AKR1C3: variants seen among roughly 807,000 people sequenced by gnomAD.
The protein encoded by AKR1C3 is aldo-keto reductase family 1 member C3.
In AKR1C3, 48 loss-of-function variants were observed where a neutral mutation model predicts 43.6. The ratio of observed to expected loss-of-function variants is 1.10; its 90% CI spans 0.87 to 1.40. The LOEUF (loss-of-function observed/expected upper bound fraction) is 1.40. AKR1C3 is among the 40% of genes most tolerant of loss of function. The probability of loss-of-function intolerance (pLI) is 0.00; values close to 1 mark genes in which losing one functional copy is unlikely to be tolerated. For missense variants in AKR1C3, 482 were observed against 391.2 expected (o/e 1.23, Z -1.96); for synonymous variants, 162 against 139.6 (o/e 1.16, Z -1.13).
rs1239193304 is a variant in AKR1C3 at position 5,086,905 on chromosome 10, C to CT, written c.85-9498dup. Among the ~76,000 whole-genome samples the CT allele has an allele frequency of 6.6e-5, 10 of 152,086 alleles. No homozygotes were observed. The South Asian group carries it at 1.2e-3, about 19-fold the overall frequency. On this transcript the variant is annotated intron_variant, in intron 1 of 8. Coordinates refer to the AKR1C3 transcript ENST00000439082. The stretch of plus-strand genomic sequence containing the variant: ...CTGAGACTAGGATTGCAACCCCTGC[C>CT]TTTTTTTGTTTTCCATTTGCTTGAT...
chr10:5,101,291 A>T (rs941720156), intron 5 of AKR1C3, among the ~76,000 whole-genome samples: 1 of 152,248 alleles, frequency 6.6e-6, no homozygotes, highest in Non-Finnish European at 1.5e-5. Context: ...TTGTGTAAAC[A>T]TCACTAATAC....
At chr10:5,052,995 A>G (rs1310436598) in intron 1 of AKR1C3, among the ~76,000 whole-genome samples, 4 of 152,246 alleles carry the variant, frequency 2.6e-5, no homozygotes, top group Non-Finnish European at 5.9e-5. Flanking sequence ...AGCTAGACAC[A>G]GGGTGCTGAT....
intron 1 of AKR1C3, among the ~76,000 whole-genome samples, chr10:5,064,479 T>C (rs1838453260): frequency 1.3e-5 from 2 of 152,138 alleles, no homozygotes; most frequent in African/African-American, 4.8e-5. Flanking sequence ...CTGGCAAAGA[T>C]TTCATGATGA....
rs1838091593 is a variant in AKR1C3 at position 5,048,896 on chromosome 10, G to A, written c.84+1G>A. On this transcript the variant is annotated splice_donor_variant, in intron 1 of 8. Coordinates refer to the AKR1C3 transcript ENST00000439082. LOFTEE classifies it high-confidence loss of function. ...ATTTGGCACCTATGCACCTCCAGAG[G>A]TAATAATAATGTTTTTGGTGCAGAG... 1 of 1,612,566 alleles carries A rather than the reference G, an allele frequency of 6.2e-7. No individual in the cohort carries two copies. The highest frequency in any genetic ancestry group is 1.7e-5 in the Admixed American group (1 of 59,996).
intron 4 of AKR1C3, 26 bp downstream of exon 4, chr10:5,098,905 G>C (rs1554785565): frequency 1.9e-6 from 3 of 1,559,872 alleles, no homozygotes; most frequent in East Asian, 2.3e-5. Flanking sequence ...AGAGGACACA[G>C]AGAAGGATGA....
intron 1 of AKR1C3, among the ~76,000 whole-genome samples, chr10:5,095,479 A>AT (rs1187850983): frequency 4.0e-5 from 6 of 148,646 alleles, no homozygotes; most frequent in Non-Finnish European, 7.5e-5. Flanking sequence ...CTCAAAAAAG[A>AT]TTTAAAAAAA....
intron 1 of AKR1C3, among the ~76,000 whole-genome samples, chr10:5,074,597 T>C (rs974708195): frequency 1.3e-5 from 2 of 152,190 alleles, no homozygotes; most frequent in African/African-American, 4.8e-5. Context: ...TTCATTGACA[T>C]AGTGTGCAAG....
Position 5,098,915 on chromosome 10 carries a change from A to G in AKR1C3, c.447+36A>G, listed in dbSNP as rs954159639. On this transcript the variant is annotated intron_variant, in intron 4 of 8. Coordinates refer to ENST00000380554, the MANE Select transcript of AKR1C3 (RefSeq NM_003739.6). The stretch of plus-strand genomic sequence containing the variant: ...GGCGGAGAGGACACAGAGAAGGATG[A>G]CAAAAAGAGAAAATCTGTTTCCCAG... 2.0e-6 allele frequency: 3 copies of G among 1,522,846 alleles called. No homozygotes were observed. In the African/African-American group the frequency reaches 4.2e-5, roughly 21 times the overall value. The allele number at this position is 1,522,846 out of a possible 1,614,324, so 94.3% of individuals were successfully genotyped here. A position where few individuals can be genotyped will look rare whatever the true frequency, so the allele number is the denominator to read the frequency against.
intron 1 of AKR1C3, among the ~76,000 whole-genome samples, chr10:5,095,936 T>G (rs868907911): frequency 6.6e-6 from 1 of 152,054 alleles, no homozygotes; most frequent in Non-Finnish European, 1.5e-5. Flanking sequence ...CCAGTCAAAA[T>G]CTCAAGAACT....
chr10:5,079,946 A>G (rs568485012), intron 1 of AKR1C3, among the ~76,000 whole-genome samples: 1 of 152,370 alleles, frequency 6.6e-6, no homozygotes, highest in South Asian at 2.1e-4. Context: ...CTGCAGGGGT[A>G]TCTGCATGGT....
chr10:5,066,051 C>G (rs1266293653), intron 1 of AKR1C3, among the ~76,000 whole-genome samples: 1 of 152,172 alleles, frequency 6.6e-6, no homozygotes, highest in African/African-American at 2.4e-5. Flanking sequence ...GTTGCATGAT[C>G]ATCTGAAGCT....
intron 1 of AKR1C3, among the ~76,000 whole-genome samples, chr10:5,082,882 C>T (rs561064075): frequency 1.3e-5 from 2 of 152,214 alleles, no homozygotes; most frequent in South Asian, 4.2e-4. Context: ...GCTCTTCTTT[C>T]CATGTGTGGC....
chr10:5,102,236 A>T, intron 6 of AKR1C3, 26 bp downstream of exon 6: 2 of 1,599,948 alleles, frequency 1.3e-6, no homozygotes, highest in Non-Finnish European at 1.7e-6. Context: ...GGACCTTTAC[A>T]TAAACCTTCA....
upstream of AKR1C3, among the ~76,000 whole-genome samples, chr10:5,092,735 T>C (rs374741043): frequency 5.8e-4 from 88 of 152,196 alleles, no homozygotes; most frequent in African/African-American, 2.0e-3. Flanking sequence ...TAATTGGAAA[T>C]TTTAGCATAT....
chr10:5,099,691 G>A (rs1255267168), intron 5 of AKR1C3: 10 of 588,420 alleles, frequency 1.7e-5, no homozygotes, highest in Non-Finnish European at 2.8e-5. Context: ...AGGTCCATTT[G>A]ATCAGGGAGG....
rs1341229974 is a variant in AKR1C3 at position 5,087,049 on chromosome 10, A to G, written c.85-9361A>G. ...ATTTGCCAGTCTGTCTTTTAATTGG[A>G]GCATTTAGACCATTTACATTTAAAG... On this transcript the variant is annotated intron_variant, in intron 1 of 8. Coordinates refer to the AKR1C3 transcript ENST00000439082. 4.6e-5 allele frequency among the ~76,000 whole-genome samples: 7 copies of G among 152,056 alleles called. No individual in the cohort carries two copies. The East Asian group carries it at 1.4e-3, about 29-fold the overall frequency.
At chr10:5,073,755 C>T (rs1838657177) in intron 1 of AKR1C3, among the ~76,000 whole-genome samples, 1 of 152,166 alleles carries the variant, frequency 6.6e-6, no homozygotes, top group African/African-American at 2.4e-5. Flanking sequence ...CTATCAAGAA[C>T]ATCACCCTCA....
At chr10:5,062,636 G>C (rs1464436943) in intron 1 of AKR1C3, among the ~76,000 whole-genome samples, 2 of 152,028 alleles carry the variant, frequency 1.3e-5, no homozygotes, top group Non-Finnish European at 2.9e-5. Flanking sequence ...GTTGATTGAG[G>C]TAATTACCAA....
Position 5,102,211 on chromosome 10 carries a change from G to A in AKR1C3, c.680+1G>A, listed in dbSNP as rs782011646. 21 of 1,611,612 alleles carry A rather than the reference G, an allele frequency of 1.3e-5. No individual in the cohort carries two copies. The South Asian group carries it at 1.8e-4, about 14-fold the overall frequency. ...TGGGATCTCAACGAGACAAACGATG[G>A]TAATAAAAACAATGGGACCTTTACA... On this transcript the variant is annotated splice_donor_variant, in intron 6 of 8. Coordinates refer to ENST00000380554, the MANE Select transcript of AKR1C3 (RefSeq NM_003739.6). LOFTEE classifies it high-confidence loss of function.
Sources: gnomAD v4.1 joint callset for allele counts (sites outside exome capture counted in the v4.1 genomes callset) on GRCh38, gnomAD v4.1.1 for gene constraint, MANE v1.5 for transcripts, NCBI Gene and HGNC (gene_info 2026-07-23, HGNC 2026-07-21) for gene names.